DNAJC13: variants seen among roughly 807,000 people sequenced by gnomAD.
The protein encoded by DNAJC13 is dnaJ homolog subfamily C member 13.
Under a neutral mutation model 290.5 loss-of-function variants are expected in DNAJC13, and 75 were observed. That is an observed-to-expected ratio of 0.26 (90% CI 0.21 to 0.31). The LOEUF (loss-of-function observed/expected upper bound fraction) is 0.31. DNAJC13 is among the 10% of genes least tolerant of loss of function. The probability of loss-of-function intolerance (pLI) is 1.00; values close to 1 mark genes in which losing one functional copy is unlikely to be tolerated. For synonymous variants in DNAJC13, 862 were observed against 892.0 expected, an observed-to-expected ratio of 0.97 and a Z score of 0.60; for missense variants, 2,260 against 2,674.5, an observed-to-expected ratio of 0.85 and a Z score of 3.42.
At chr3:132,422,962 A>G (rs976126911) in intron 1 of DNAJC13, among the ~76,000 whole-genome samples, 1 of 152,214 alleles carries the variant, frequency 6.6e-6, no homozygotes, top group Admixed American at 6.5e-5. Flanking sequence ...GATTAATAAG[A>G]GTTTGATATT....
intron 44 of DNAJC13, 116 bp downstream of exon 44, chr3:132,511,360 A>G: frequency 8.3e-7 from 1 of 1,205,810 alleles, no homozygotes; most frequent in Non-Finnish European, 1.2e-6. Context: ...ATAATGTATT[A>G]ATATAACATT....
At chr3:132,441,508 G>T (rs909816647) in intron 2 of DNAJC13, among the ~76,000 whole-genome samples, 1 of 152,134 alleles carries the variant, frequency 6.6e-6, no homozygotes, top group Non-Finnish European at 1.5e-5. Context: ...AAGCCTGTTG[G>T]CGTAGATTCT....
chr3:132,443,925 G>A (rs993076879), intron 2 of DNAJC13, among the ~76,000 whole-genome samples: 3 of 152,128 alleles, frequency 2.0e-5, no homozygotes, highest in African/African-American at 7.2e-5. Flanking sequence ...AACTACATGT[G>A]GCTATTTATT....
chr3:132,436,586 T>G (rs532628214), intron 2 of DNAJC13, among the ~76,000 whole-genome samples: 5 of 152,370 alleles, frequency 3.3e-5, no homozygotes, highest in African/African-American at 1.2e-4. Flanking sequence ...TCTGTTTAAC[T>G]TTTTGATGAA....
chr3:132,419,350 A>T (rs773496423), intron 1 of DNAJC13, among the ~76,000 whole-genome samples: 1 of 152,174 alleles, frequency 6.6e-6, no homozygotes. Flanking sequence ...TATTAATGTT[A>T]TATATTGTTA....
chr3:132,447,767 A>C, intron 4 of DNAJC13, 131 bp from the exon 5 acceptor site: 1 of 748,074 alleles, frequency 1.3e-6, no homozygotes, highest in South Asian at 1.7e-5. Context: ...TTCTTAAACT[A>C]TAACTTGAAT....
intron 41 of DNAJC13, among the ~76,000 whole-genome samples, chr3:132,504,535 G>T (rs567582379): frequency 7.2e-5 from 11 of 152,240 alleles, no homozygotes; most frequent in African/African-American, 2.4e-4. Flanking sequence ...AAAATTAAAT[G>T]TTGGCATGAG....
chr3:132,491,487 A>G (rs902753261), intron 32 of DNAJC13, among the ~76,000 whole-genome samples: 1 of 152,114 alleles, frequency 6.6e-6, no homozygotes, highest in South Asian at 2.1e-4. Context: ...ACCCGAAATT[A>G]TTCTAGAATG....
intron 1 of DNAJC13, among the ~76,000 whole-genome samples, chr3:132,432,272 G>A (rs1203029011): frequency 6.6e-6 from 1 of 151,844 alleles, no homozygotes; most frequent in Admixed American, 6.6e-5. Context: ...GTGCGATCTC[G>A]GCTCACTGCA....
intron 6 of DNAJC13, among the ~76,000 whole-genome samples, chr3:132,451,532 T>G (rs1933415437): frequency 6.6e-6 from 1 of 152,152 alleles, no homozygotes; most frequent in African/African-American, 2.4e-5. Flanking sequence ...GAAGCTGAAG[T>G]ATATATAACT....
At chr3:132,496,763 T>A in intron 36 of DNAJC13, 100 bp downstream of exon 36, 1 of 1,069,706 alleles carries the variant, frequency 9.3e-7, no homozygotes, top group Non-Finnish European at 1.3e-6. Flanking sequence ...TTTAATAGAT[T>A]TAGAATTATT....
At chr3:132,508,829 A>G (rs1348578779) in intron 43 of DNAJC13, among the ~76,000 whole-genome samples, 5 of 152,252 alleles carry the variant, frequency 3.3e-5, no homozygotes, top group Non-Finnish European at 7.3e-5. Context: ...AACAAAGCCT[A>G]TATGACAACA....
Position 132,503,313 on chromosome 3 carries a change from A to G in DNAJC13, c.4816A>G (p.Arg1606Gly). 1 of 1,614,170 alleles carries G rather than the reference A, an allele frequency of 6.2e-7. No homozygotes were observed. The highest frequency in any genetic ancestry group is 2.2e-5 in the East Asian group (1 of 44,878). ...EQATPENPTI[R>G]KSLAGMLTPY... ...AGCAACTCCAGAAAATCCAACCATAAGGAAAAGCTTAGCTGGCATGCTGAC... is the reference window on the plus strand; with the variant it reads ...AGCAACTCCAGAAAATCCAACCATAGGGAAAAGCTTAGCTGGCATGCTGAC... Residue 1606 changes from arginine (R) to glycine (G), a missense_variant, in exon 41 of 56, where the codon AGG becomes GGG. Transcript: ENST00000260818.
At chr3:132,488,211 C>T in intron 29 of DNAJC13, 87 bp from the exon 30 acceptor site, 1 of 1,218,538 alleles carries the variant, frequency 8.2e-7, no homozygotes, top group Non-Finnish European at 1.1e-6. Flanking sequence ...ACATAAGGAG[C>T]TATAACCTCA....
intron 48 of DNAJC13, among the ~76,000 whole-genome samples, chr3:132,521,035 G>A (rs1200199746): frequency 2.6e-5 from 4 of 152,152 alleles, no homozygotes; most frequent in Non-Finnish European, 4.4e-5. Flanking sequence ...TAAAATTTAT[G>A]TAGAATGATT....
At chr3:132,421,335 T>A (rs1011662265) in intron 1 of DNAJC13, among the ~76,000 whole-genome samples, 1 of 152,244 alleles carries the variant, frequency 6.6e-6, no homozygotes, top group Non-Finnish European at 1.5e-5. Flanking sequence ...ATTCACATGA[T>A]CAAGAAAGCA....
intron 51 of DNAJC13, chr3:132,523,975 A>G: frequency 3.0e-6 from 1 of 337,628 alleles, no homozygotes; most frequent in South Asian, 7.3e-5. Flanking sequence ...CAGAAGCCTG[A>G]AAAGAAGGTT....
At chr3:132,484,268 A>T in intron 28 of DNAJC13, 4 of 381,628 alleles carry the variant, frequency 1.0e-5, no homozygotes, top group Middle Eastern at 1.0e-3. Context: ...ACAAAGTTTG[A>T]TAAGCCCTTT....
intron 32 of DNAJC13, 127 bp from the exon 33 acceptor site, chr3:132,492,287 C>T: frequency 1.9e-6 from 2 of 1,058,144 alleles, no homozygotes; most frequent in Non-Finnish European, 2.8e-6. Flanking sequence ...TAAAAGCTCT[C>T]ATTTTAGGAT....
Sources: allele counts gnomAD v4.1 joint callset (sites outside exome capture counted in the v4.1 genomes callset), GRCh38; gene constraint gnomAD v4.1.1; transcripts MANE v1.5; gene names NCBI Gene and HGNC (gene_info 2026-07-23, HGNC 2026-07-21).